The following RSPH10B2 variants were observed in gnomAD, a reference collection of about 807,000 sequenced individuals.
RSPH10B2 encodes radial spoke head 10 homolog B2.
A neutral mutation model predicts 49.0 loss-of-function variants in RSPH10B2; 9 were observed. The observed-to-expected ratio is 0.18, with a 90% CI of 0.11 to 0.32. RSPH10B2 has a LOEUF of 0.32. Among genes scored for constraint, RSPH10B2 ranks in the 10% least tolerant of loss-of-function variants. RSPH10B2 has a pLI of 1.00. For missense variants in RSPH10B2, 95 were observed against 589.9 expected (o/e 0.16, Z 8.69); for synonymous variants, 35 against 210.2 (o/e 0.17, Z 7.21).
chr7:6,757,954 C>T (rs373175617), intron 1 of RSPH10B2, 23 bp downstream of exon 3: 2,877 of 1,611,804 alleles, frequency 1.8e-3, no homozygotes, highest in Non-Finnish European at 2.2e-3. Flanking sequence ...GGGGTGCCAT[C>T]GGGTATAACA....
At chr7:6,770,890 C>T (rs1377010923) in intron 7 of RSPH10B2, among the ~76,000 whole-genome samples, 8 of 145,882 alleles carry the variant, frequency 5.5e-5, no homozygotes, top group Middle Eastern at 7.1e-3. Context: ...GGGCACAGAG[C>T]GAGACTCCGT....
At chr7:6,795,701 C>T (rs1782523311) in intron 17 of RSPH10B2, among the ~76,000 whole-genome samples, 1 of 145,690 alleles carries the variant, frequency 6.9e-6, no homozygotes, top group Non-Finnish European at 1.5e-5. Flanking sequence ...TTGGAGGCTG[C>T]AGTGAGCCAT....
intron 17 of RSPH10B2, among the ~76,000 whole-genome samples, chr7:6,796,300 T>C (rs1172853939): frequency 8.3e-6 from 1 of 120,336 alleles, no homozygotes; most frequent in Non-Finnish European, 1.8e-5. Flanking sequence ...GGTGACAGAG[T>C]GAGACTCTGT....
chr7:6,770,789 C>T (rs1781611722), intron 7 of RSPH10B2, among the ~76,000 whole-genome samples: 1 of 152,206 alleles, frequency 6.6e-6, no homozygotes, highest in Non-Finnish European at 1.5e-5. Context: ...CCTGTAGTCC[C>T]AGCTACTCAG....
chr7:6,752,698 C>T (rs1299270286), upstream of RSPH10B2, among the ~76,000 whole-genome samples: 3 of 68,370 alleles, frequency 4.4e-5, no homozygotes, highest in East Asian at 1.1e-3. Flanking sequence ...ACCACGCTGC[C>T]TCACGTGGCA....
In RSPH10B2 at chr7:6,779,690, C is replaced by T. The variant is rs200167275; in HGVS notation, c.1495C>T (p.His499Tyr). ...GAGAACATTTTTGAATTACCTCCTG[C>T]ATTTGGCGTACCACATTTATCATGA... The change falls in exon 11 of 19, where the codon CAT becomes TAT. Residue 499 changes from histidine to tyrosine, a missense_variant. Coordinates refer to ENST00000297186, the Ensembl canonical transcript of RSPH10B2. 7,733 of 415,342 alleles carry T rather than the reference C, an allele frequency of 0.019. 912 individuals carry two copies. The highest frequency in any genetic ancestry group is 0.026 in the Non-Finnish European group (6,345 of 241,574). 25.7% of individuals were successfully genotyped at this position (415,342 alleles called of 1,614,324 possible).
In RSPH10B2 at chr7:6,786,344, G is replaced by A. The variant is rs1242018107; in HGVS notation, c.1866+288G>A. ...ACTACAGGCGCCCGCCACCACGCCC[G>A]GCTAATTTTTTTTTTTTTTGTATTT... On this transcript the variant is annotated intron_variant, in intron 14 of 18. Coordinates refer to ENST00000297186, the Ensembl canonical transcript of RSPH10B2. 7.8e-5 allele frequency among the ~76,000 whole-genome samples: 9 copies of A among 115,784 alleles called. No individual in the cohort carries two copies. In the South Asian group the frequency reaches 1.1e-3, roughly 15 times the overall value. The allele number at this position is 115,784 out of a possible 152,430, so 76.0% of individuals were successfully genotyped here. A position where few individuals can be genotyped will look rare whatever the true frequency, so the allele number is the denominator to read the frequency against.
At chr7:6,791,284 G>T (rs1782313242) in intron 16 of RSPH10B2, among the ~76,000 whole-genome samples, 1 of 130,144 alleles carries the variant, frequency 7.7e-6, no homozygotes, top group African/African-American at 3.1e-5. Context: ...TTACAGGCAT[G>T]AGCCACCACG....
At chr7:6,793,218 TTTTG>T (rs1782413502) in intron 17 of RSPH10B2, among the ~76,000 whole-genome samples, 2 of 113,084 alleles carry the variant, frequency 1.8e-5, no homozygotes, top group African/African-American at 7.2e-5. Context: ...CCTGGTCTTT[TTTTG>T]TTTGTTTGTT....
chr7:6,781,202 C>T lies in RSPH10B2; in HGVS notation c.1610-126C>T, dbSNP rs1781921572. The stretch of plus-strand genomic sequence containing the variant: ...GCAGCGAGCCAAGATGGTGCCACTG[C>T]ACTCTAGCCTGGGTGACATCAAGAC... On this transcript the variant is annotated intron_variant, in intron 12 of 18. Coordinates refer to ENST00000297186, the Ensembl canonical transcript of RSPH10B2. 2.3e-5 allele frequency: 21 copies of T among 906,436 alleles called. 4 individuals carry two copies. Among genetic ancestry groups the T allele is most frequent in the Non-Finnish European group, 3.1e-5 (21 of 672,334 alleles). 56.1% of individuals were successfully genotyped at this position (906,436 alleles called of 1,614,324 possible). A position where few individuals can be genotyped will look rare whatever the true frequency, so the allele number is the denominator to read the frequency against.
intron 10 of RSPH10B2, among the ~76,000 whole-genome samples, 187 bp from the exon 13 acceptor site, chr7:6,779,422 GA>G (rs1292947284): frequency 8.8e-6 from 1 of 113,652 alleles, no homozygotes; most frequent in African/African-American, 3.4e-5. Context: ...AAAGTGCTGG[GA>G]TTACAGGCGT....
intron 18 of RSPH10B2, among the ~76,000 whole-genome samples, chr7:6,797,555 G>T: frequency 6.6e-6 from 1 of 152,248 alleles, no homozygotes; most frequent in East Asian, 1.9e-4. Flanking sequence ...CTACATATTG[G>T]ACCCTCCATA....
chr7:6,793,392 CA>C lies in RSPH10B2; in HGVS notation c.2233+1396del, dbSNP rs1782421131. On this transcript the variant is annotated intron_variant, in intron 17 of 18. Transcript: ENST00000297186. ...CGGCGTCTCTCTATGGCCGGCCACC[CA>C]CTCAATGGTGGACTTTTAAAGGCTC... Among the ~76,000 whole-genome samples the C allele has an allele frequency of 1.7e-5, 2 of 116,442 alleles. 1 individual carries two copies. The highest frequency in any genetic ancestry group is 3.4e-5 in the Non-Finnish European group (2 of 58,264). The allele number at this position is 116,442 out of a possible 152,430, so 76.4% of individuals were successfully genotyped here.
intron 7 of RSPH10B2, among the ~76,000 whole-genome samples, chr7:6,769,749 C>T (rs1330171721): frequency 9.2e-6 from 1 of 108,718 alleles, no homozygotes; most frequent in Admixed American, 1.0e-4. Context: ...CCACCACGCC[C>T]GGCTCTTTTT....
At chr7:6,791,534 A>C (rs561872181) in intron 16 of RSPH10B2, among the ~76,000 whole-genome samples, 36 of 143,594 alleles carry the variant, frequency 2.5e-4, no homozygotes, top group African/African-American at 8.9e-4. Flanking sequence ...ACCTGAGGTC[A>C]GGAGTTCGAG....
At chr7:6,783,815 C>A (rs1399050703) in intron 13 of RSPH10B2, among the ~76,000 whole-genome samples, 8 of 143,374 alleles carry the variant, frequency 5.6e-5, no homozygotes, top group Admixed American at 1.4e-4. Flanking sequence ...TGCAATTGCC[C>A]ATTGAATAAT....
chr7:6,768,698 G>A, exon 7 of RSPH10B2: 1 of 349,688 alleles, frequency 2.9e-6, no homozygotes, highest in Non-Finnish European at 4.8e-6. Flanking sequence ...TCACGGACGT[G>A]GCAAGTTTTA....
chr7:6,791,671 G>A (rs1316412828), intron 16 of RSPH10B2, among the ~76,000 whole-genome samples: 2 of 144,444 alleles, frequency 1.4e-5, no homozygotes, highest in Non-Finnish European at 3.0e-5. Flanking sequence ...TGGAACCCGA[G>A]AGGCGGAGGC....
intron 13 of RSPH10B2, among the ~76,000 whole-genome samples, chr7:6,781,895 TA>T (rs1562412310): frequency 3.7e-5 from 4 of 107,856 alleles, no homozygotes; most frequent in African/African-American, 1.4e-4. Context: ...AATATATATA[TA>T]ATAAATATAT....
Sources: allele counts gnomAD v4.1 joint callset (sites outside exome capture counted in the v4.1 genomes callset), GRCh38; gene constraint gnomAD v4.1.1; transcripts MANE v1.5; gene names NCBI Gene and HGNC (gene_info 2026-07-23, HGNC 2026-07-21).